OXSR1: variants seen among roughly 807,000 people sequenced by gnomAD.
OXSR1 encodes the protein oxidative stress responsive kinase 1.
Under a neutral mutation model 79.8 loss-of-function variants are expected in OXSR1, and 24 were observed. The observed-to-expected ratio is 0.30, with a 90% confidence interval of 0.22 to 0.42. The LOEUF is 0.42. Among genes scored for constraint, OXSR1 ranks in the 10% least tolerant of loss-of-function variants. The pLI is 1.00. For synonymous variants in OXSR1, 226 were observed against 209.2 expected (o/e 1.08, Z -0.69); for missense variants, 430 against 618.4 (o/e 0.70, Z 3.23).
intron 2 of OXSR1, among the ~76,000 whole-genome samples, chr3:38,187,252 A>C (rs903455082): frequency 6.6e-6 from 1 of 152,132 alleles, no homozygotes; most frequent in Non-Finnish European, 1.5e-5. Context: ...TATCCTATTT[A>C]TTCATCTTTT....
At chr3:38,188,616 T>C (rs1701926884) in intron 2 of OXSR1, among the ~76,000 whole-genome samples, 1 of 152,192 alleles carries the variant, frequency 6.6e-6, no homozygotes, top group African/African-American at 2.4e-5. Flanking sequence ...TTTATGAAAA[T>C]GTATAATATA....
chr3:38,190,176 C>G (rs974778597), intron 2 of OXSR1, among the ~76,000 whole-genome samples: 1 of 152,096 alleles, frequency 6.6e-6, no homozygotes, highest in Non-Finnish European at 1.5e-5. Context: ...CATACCAAAT[C>G]TAGTTTAAAA....
Position 38,186,918 on chromosome 3 carries a change from T to C in OXSR1, c.183+3803T>C, listed in dbSNP as rs117297673. Among the ~76,000 whole-genome samples the C allele has an allele frequency of 3.0e-4, 46 of 152,354 alleles. No individual in the cohort carries two copies. In the East Asian group the frequency reaches 8.9e-3, roughly 29 times the overall value. On this transcript the variant is annotated intron_variant, in intron 2 of 17. Coordinates refer to ENST00000311806, the MANE Select transcript of OXSR1 (RefSeq NM_005109.3). ...TCCAAAGTAGCCGTACCATTTTACA[T>C]TCCCACCAGCAATATATGAGCTTTT...
chr3:38,169,270 G>T (rs756176042), intron 1 of OXSR1, among the ~76,000 whole-genome samples: 7 of 150,530 alleles, frequency 4.7e-5, no homozygotes, highest in Non-Finnish European at 7.4e-5. Flanking sequence ...CAAATCTTTT[G>T]TCCACTTGGA....
chr3:38,181,970 C>T (rs1701795462), intron 1 of OXSR1, among the ~76,000 whole-genome samples: 1 of 152,088 alleles, frequency 6.6e-6, no homozygotes, highest in Non-Finnish European at 1.5e-5. Context: ...ATCCTCTTGC[C>T]TCAGCCTCCT....
chr3:38,212,851 G>A (rs550855012), intron 4 of OXSR1, among the ~76,000 whole-genome samples: 1 of 152,228 alleles, frequency 6.6e-6, no homozygotes, highest in African/African-American at 2.4e-5. Context: ...TTTAACTGGG[G>A]ACTATATTGA....
chr3:38,243,159 G>C (rs910638103), intron 12 of OXSR1, among the ~76,000 whole-genome samples: 1 of 151,686 alleles, frequency 6.6e-6, no homozygotes, highest in African/African-American at 2.4e-5. Flanking sequence ...TCAGCCTCCT[G>C]GGTAGGTGGA....
intron 14 of OXSR1, among the ~76,000 whole-genome samples, chr3:38,248,495 C>T (rs1703191332): frequency 6.6e-6 from 1 of 152,026 alleles, no homozygotes; most frequent in South Asian, 2.1e-4. Flanking sequence ...GCAACTCAGG[C>T]CTTTTAAAAC....
Position 38,255,076 on chromosome 3 carries a change from C to T in OXSR1, c.*2185C>T, listed in dbSNP as rs1703338899. Reference sequence around the variant, plus strand: ...GAGAAAATACATGAACAGAAACTGCCCAGGTGGAACAGCACGTAACCTAGT... The same window carrying T: ...GAGAAAATACATGAACAGAAACTGCTCAGGTGGAACAGCACGTAACCTAGT... On this transcript the variant is annotated 3_prime_UTR_variant, in exon 18 of 18. Transcript: ENST00000311806. The T allele has an allele frequency of 6.6e-6, 1 of 152,604 alleles. No homozygotes were observed. The highest frequency in any genetic ancestry group is 1.5e-5 in the Non-Finnish European group (1 of 68,048). The allele number at this position is 152,604 out of a possible 1,614,324, so 9.5% of individuals were successfully genotyped here.
At chr3:38,216,509 T>C (rs1702485100) in intron 5 of OXSR1, among the ~76,000 whole-genome samples, 1 of 152,204 alleles carries the variant, frequency 6.6e-6, no homozygotes, top group East Asian at 1.9e-4. Context: ...ATAGAGGCTA[T>C]ACAGAGCTTC....
intron 1 of OXSR1, among the ~76,000 whole-genome samples, chr3:38,178,620 A>ATTTTTTTTTTTTTTTTTTTT (rs71085303): frequency 2.1e-5 from 2 of 95,126 alleles, no homozygotes; most frequent in East Asian, 3.2e-4. Flanking sequence ...ATATATATAT[A>ATTTTTTTTTTTTTTTTTTTT]TTTTTTTTTT....
chr3:38,171,547 A>G (rs1701581999), intron 1 of OXSR1, among the ~76,000 whole-genome samples: 1 of 152,070 alleles, frequency 6.6e-6, no homozygotes, highest in Admixed American at 6.5e-5. Context: ...GCAGTATACT[A>G]TTTATGGGAT....
intron 10 of OXSR1, among the ~76,000 whole-genome samples, chr3:38,233,516 G>T (rs1057399887): frequency 6.6e-6 from 1 of 152,088 alleles, no homozygotes; most frequent in Non-Finnish European, 1.5e-5. Context: ...ACCTCTTAAT[G>T]TGAAAAATAG....
rs1003809132 is a variant in OXSR1, at chr3:38,199,638, C to T, written c.434+775C>T. ...TTTAGGTTTTGTGTATAGGTCCTGG[C>T]GTACTATTGTGAGCTATGGTTCCAA... On this transcript the variant is annotated intron_variant, in intron 4 of 17. Coordinates refer to ENST00000311806, the MANE Select transcript of OXSR1 (RefSeq NM_005109.3). Among the ~76,000 whole-genome samples, 8 of 152,156 alleles carry T rather than the reference C, an allele frequency of 5.3e-5. 1 individual carries two copies. The South Asian group carries it at 6.2e-4, about 12-fold the overall frequency.
Position 38,254,450 on chromosome 3 carries a change from G to A in OXSR1, c.*1559G>A. 5.2e-6 allele frequency: 2 copies of A among 388,148 alleles called. No individual in the cohort carries two copies. Among genetic ancestry groups the A allele is most frequent in the Non-Finnish European group, 4.6e-6 (1 of 219,760 alleles). 24.0% of individuals were successfully genotyped at this position (388,148 alleles called of 1,614,324 possible). ...GGAGGAAGAGAGGAGATGGATTTCA[G>A]TTGGGAGTTAGGAGGAGAGTAGGTG... On this transcript the variant is annotated 3_prime_UTR_variant, in exon 18 of 18. Transcript: ENST00000311806.
intron 2 of OXSR1, 36 bp downstream of exon 2, chr3:38,183,151 T>C (rs747748430): frequency 9.2e-7 from 1 of 1,084,054 alleles, no homozygotes. Flanking sequence ...TGGAGAGATA[T>C]ACTCATATAT....
intron 4 of OXSR1, among the ~76,000 whole-genome samples, chr3:38,204,076 C>G (rs9838003): frequency 0.014 from 2,068 of 152,272 alleles, 44 homozygotes; most frequent in African/African-American, 0.048. Context: ...CTCTTCCCCC[C>G]CCTTTCCACA....
chr3:38,232,298 T>G (rs967314743), intron 10 of OXSR1, among the ~76,000 whole-genome samples: 2 of 152,000 alleles, frequency 1.3e-5, no homozygotes, highest in Non-Finnish European at 2.9e-5. Context: ...GGCATACACC[T>G]CTGGTCCCGG....
intron 12 of OXSR1, among the ~76,000 whole-genome samples, chr3:38,245,347 T>G (rs1394878451): frequency 6.6e-6 from 1 of 152,174 alleles, no homozygotes; most frequent in Non-Finnish European, 1.5e-5. Context: ...AATTAAAATT[T>G]ATGAACTATT....
Sources: gnomAD v4.1 joint callset for allele counts (sites outside exome capture counted in the v4.1 genomes callset) on GRCh38, gnomAD v4.1.1 for gene constraint, MANE v1.5 for transcripts, NCBI Gene and HGNC (gene_info 2026-07-23, HGNC 2026-07-21) for gene names.